Variants in HDAC9 observed in about 807,000 individuals in gnomAD.
HDAC9 encodes histone deacetylase 9.
Under a neutral mutation model 139.4 loss-of-function variants are expected in HDAC9, and 41 were observed. The observed-to-expected ratio is 0.29, with a 90% CI of 0.23 to 0.38. The LOEUF (loss-of-function observed/expected upper bound fraction) is 0.38, where lower values mean the gene tolerates loss of function less well. HDAC9 is among the 10% of genes least tolerant of loss of function. HDAC9 has a pLI of 1.00. For missense variants in HDAC9, 1,147 were observed against 1,297.0 expected, an observed-to-expected ratio of 0.88 and a Z score of 1.78; for synonymous variants, 517 against 476.2, an observed-to-expected ratio of 1.09 and a Z score of -1.12.
intron 12 of HDAC9, among the ~76,000 whole-genome samples, chr7:18,673,521 G>A (rs1309544538): frequency 6.6e-6 from 1 of 151,890 alleles, no homozygotes; most frequent in Non-Finnish European, 1.5e-5. Context: ...ATTACATGTT[G>A]AAATAATATT....
chr7:18,668,306 C>T (rs950802505), intron 12 of HDAC9: 3 of 955,268 alleles, frequency 3.1e-6, no homozygotes, highest in Non-Finnish European at 3.7e-6. Context: ...TATATTCCTT[C>T]ATATTAAAAT....
intron 16 of HDAC9, 63 bp from the exon 17 acceptor site, chr7:18,793,282 T>C (rs1489027320): frequency 1.5e-5 from 18 of 1,166,276 alleles, no homozygotes; most frequent in Admixed American, 9.9e-5. Context: ...TTTACCCCTT[T>C]CATCTCTTCC....
chr7:18,304,443 G>A (rs1798779960), intron 1 of HDAC9, among the ~76,000 whole-genome samples: 2 of 152,132 alleles, frequency 1.3e-5, no homozygotes, highest in South Asian at 2.1e-4. Context: ...CATTCCATAA[G>A]TGCTAATAGT....
intron 6 of HDAC9, among the ~76,000 whole-genome samples, chr7:18,627,327 T>C (rs1841978940): frequency 6.6e-6 from 1 of 152,176 alleles, no homozygotes; most frequent in Non-Finnish European, 1.5e-5. Context: ...CATATCTCCA[T>C]CTAAGTTCTG....
intron 11 of HDAC9, among the ~76,000 whole-genome samples, chr7:18,651,923 G>C (rs1789407677): frequency 6.6e-6 from 1 of 152,080 alleles, no homozygotes; most frequent in South Asian, 2.1e-4. Flanking sequence ...AAAGGAGAGT[G>C]CTGGGCTGGA....
chr7:18,375,859 G>C (rs981161366), intron 1 of HDAC9, among the ~76,000 whole-genome samples: 7 of 152,150 alleles, frequency 4.6e-5, no homozygotes, highest in African/African-American at 1.7e-4. Flanking sequence ...AAATGCATTA[G>C]GATCTGTCCC....
At chr7:18,938,467 C>G (rs935057004) in intron 23 of HDAC9, among the ~76,000 whole-genome samples, 1 of 151,528 alleles carries the variant, frequency 6.6e-6, no homozygotes, top group African/African-American at 2.4e-5. Flanking sequence ...TGTTGGCAGG[C>G]GCCTGTAGTC....
intron 1 of HDAC9, among the ~76,000 whole-genome samples, chr7:18,123,281 A>C (rs1019560237): frequency 2.6e-5 from 4 of 152,174 alleles, no homozygotes; most frequent in Admixed American, 2.6e-4. Context: ...CAGAACTCCA[A>C]ATGTGATTTT....
intron 1 of HDAC9, among the ~76,000 whole-genome samples, chr7:18,088,545 GCCCCA>G (rs1781944091): frequency 2.6e-5 from 4 of 152,168 alleles, no homozygotes; most frequent in Non-Finnish European, 4.4e-5. Context: ...GTTTTCTGAT[GCCCCA>G]GAAATCTTTC....
chr7:18,117,401 G>C (rs1584143354), intron 1 of HDAC9, among the ~76,000 whole-genome samples: 2 of 151,806 alleles, frequency 1.3e-5, no homozygotes, highest in African/African-American at 4.8e-5. Flanking sequence ...CAGGAGAATC[G>C]CGTGAACCTG....
At chr7:18,123,522 T>TA (rs1310432198) in intron 1 of HDAC9, among the ~76,000 whole-genome samples, 1 of 152,140 alleles carries the variant, frequency 6.6e-6, no homozygotes, top group Non-Finnish European at 1.5e-5. Flanking sequence ...ACACAACATA[T>TA]ATAATAATAT....
intron 21 of HDAC9, among the ~76,000 whole-genome samples, chr7:18,841,291 A>T (rs981102305): frequency 2.6e-5 from 4 of 152,000 alleles, no homozygotes; most frequent in African/African-American, 9.7e-5. Flanking sequence ...AATTAAGTAA[A>T]TACTGTTTGG....
chr7:18,706,469 C>G (rs889698362), intron 12 of HDAC9, among the ~76,000 whole-genome samples: 1 of 152,142 alleles, frequency 6.6e-6, no homozygotes, highest in Non-Finnish European at 1.5e-5. Flanking sequence ...CCTAGCTTTA[C>G]CTTGTATTTC....
upstream of HDAC9, among the ~76,000 whole-genome samples, chr7:18,286,311 A>G (rs918055394): frequency 2.0e-5 from 3 of 151,506 alleles, no homozygotes; most frequent in Admixed American, 1.3e-4. Context: ...ACCATGGTTC[A>G]ATTAGTCCCT....
chr7:18,915,531 C>T (rs1249494176), intron 22 of HDAC9, among the ~76,000 whole-genome samples: 1 of 151,610 alleles, frequency 6.6e-6, no homozygotes, highest in Non-Finnish European at 1.5e-5. Flanking sequence ...CACAATGAAG[C>T]TTTGAAAATG....
At chr7:18,581,131 A>G (rs1031267871) in intron 2 of HDAC9, among the ~76,000 whole-genome samples, 1 of 152,110 alleles carries the variant, frequency 6.6e-6, no homozygotes, top group Non-Finnish European at 1.5e-5. Flanking sequence ...GCTGATTGCC[A>G]TTTCTCTCTG....
chr7:18,157,947 G>A (rs975496520), intron 1 of HDAC9, among the ~76,000 whole-genome samples: 7 of 152,194 alleles, frequency 4.6e-5, no homozygotes, highest in African/African-American at 7.2e-5. Flanking sequence ...GATAAACTGA[G>A]TTTTTGAAGG....
chr7:18,275,458 T>C (rs913810984), intron 2 of HDAC9, among the ~76,000 whole-genome samples: 1 of 152,182 alleles, frequency 6.6e-6, no homozygotes, highest in Non-Finnish European at 1.5e-5. Context: ...TTACTCTTTT[T>C]CTCAAAGCCC....
intron 1 of HDAC9, among the ~76,000 whole-genome samples, chr7:18,485,501 T>G (rs1369069141): frequency 6.6e-6 from 1 of 150,862 alleles, no homozygotes; most frequent in Non-Finnish European, 1.5e-5. Flanking sequence ...AGACTAATGA[T>G]TTTTATGTTC....
Sources: allele counts gnomAD v4.1 joint callset (sites outside exome capture counted in the v4.1 genomes callset), GRCh38; gene constraint gnomAD v4.1.1; transcripts MANE v1.5; gene names NCBI Gene and HGNC (gene_info 2026-07-23, HGNC 2026-07-21).